ALDH1L1: variants seen among roughly 807,000 people sequenced by gnomAD.
ALDH1L1 encodes cytosolic 10-formyltetrahydrofolate dehydrogenase.
A neutral mutation model predicts 101.1 loss-of-function variants in ALDH1L1; 68 were observed. The ratio of observed to expected loss-of-function variants is 0.67; its 90% CI spans 0.55 to 0.82. The LOEUF (loss-of-function observed/expected upper bound fraction) is 0.82. ALDH1L1 is among the 40% of genes least tolerant of loss of function. The pLI is 0.00. For synonymous variants in ALDH1L1, 486 were observed against 470.8 expected (o/e 1.03, Z -0.42); for missense variants, 1,087 against 1,172.7 (o/e 0.93, Z 1.07).
intron 16 of ALDH1L1, among the ~76,000 whole-genome samples, chr3:126,120,248 T>C (rs980614506): frequency 2.6e-5 from 4 of 152,238 alleles, no homozygotes; most frequent in African/African-American, 9.6e-5. Flanking sequence ...AGAAAGTGGA[T>C]GGATAAGTAA....
intron 14 of ALDH1L1, 95 bp from the exon 15 acceptor site, chr3:126,125,816 C>T: frequency 4.4e-6 from 4 of 908,276 alleles, no homozygotes; most frequent in Non-Finnish European, 6.2e-6. Flanking sequence ...GCCTGACATC[C>T]ACTCTCAAAG....
intron 1 of ALDH1L1, 85 bp downstream of exon 1, chr3:126,180,391 G>A: frequency 1.7e-5 from 16 of 947,310 alleles, no homozygotes; most frequent in Non-Finnish European, 2.0e-5. Context: ...TGGAGCCCCT[G>A]GAGCCCCCGG....
At chr3:126,158,802 C>A (rs1333300556) in intron 2 of ALDH1L1, among the ~76,000 whole-genome samples, 163 bp from the exon 3 acceptor site, 1 of 152,218 alleles carries the variant, frequency 6.6e-6, no homozygotes, top group Non-Finnish European at 1.5e-5. Context: ...ATGCACCAGC[C>A]AAGCATGAGG....
chr3:126,170,081 C>A (rs1185409411), intron 1 of ALDH1L1, among the ~76,000 whole-genome samples: 1 of 152,138 alleles, frequency 6.6e-6, no homozygotes, highest in African/African-American at 2.4e-5. Context: ...AATAAGAAAT[C>A]TTAAGCTAAA....
intron 1 of ALDH1L1, among the ~76,000 whole-genome samples, chr3:126,190,512 A>G (rs1017189738): frequency 5.9e-5 from 9 of 152,226 alleles, no homozygotes; most frequent in African/African-American, 2.2e-4. Flanking sequence ...GTTTTCAGAT[A>G]CCAATTTTGT....
At chr3:126,118,266 AG>A (rs951626272) in intron 16 of ALDH1L1, among the ~76,000 whole-genome samples, 168 bp from the exon 17 acceptor site, 14 of 152,078 alleles carry the variant, frequency 9.2e-5, no homozygotes, top group Non-Finnish European at 1.8e-4. Context: ...GCTCCCTATT[AG>A]GGGCTGAACT....
chr3:126,147,991 A>G (rs2080731141), intron 8 of ALDH1L1, among the ~76,000 whole-genome samples: 1 of 152,084 alleles, frequency 6.6e-6, no homozygotes, highest in Non-Finnish European at 1.5e-5. Context: ...TTAAGGGTCC[A>G]ATTCCTGTGT....
At chr3:126,130,050 C>T (rs2080268824) in intron 14 of ALDH1L1, 173 bp downstream of exon 14, 1 of 541,922 alleles carries the variant, frequency 1.8e-6, no homozygotes. Context: ...ATACAATTGT[C>T]CTCAAGTCCT....
At chr3:126,143,531 C>T (rs938602347) in intron 9 of ALDH1L1, among the ~76,000 whole-genome samples, 1 of 152,154 alleles carries the variant, frequency 6.6e-6, no homozygotes, top group Admixed American at 6.5e-5. Context: ...AAAGCAAAAC[C>T]ACAAATAAGG....
At position 126,111,520 on chromosome 3, in the gene ALDH1L1, C is replaced by T. The variant is rs184523565; in HGVS notation, c.2181+1262G>A. Among the ~76,000 whole-genome samples, 700 of 152,354 alleles carry T rather than the reference C, an allele frequency of 4.6e-3. 6 individuals carry two copies. The highest frequency in any genetic ancestry group is 0.015 in the African/African-American group (634 of 41,582). ...AGACTGCCACTGCTGCCCACAGAAACATGAGCTGAGGGCAGGGCTTCATTT... is the reference window on the plus strand; with the variant it reads ...AGACTGCCACTGCTGCCCACAGAAATATGAGCTGAGGGCAGGGCTTCATTT... On this transcript the variant is annotated intron_variant, in intron 19 of 22. Coordinates refer to ENST00000393434, the MANE Select transcript of ALDH1L1 (RefSeq NM_012190.4).
chr3:126,145,803 G>T (rs945135317), intron 9 of ALDH1L1, among the ~76,000 whole-genome samples: 1 of 152,240 alleles, frequency 6.6e-6, no homozygotes, highest in African/African-American at 2.4e-5. Flanking sequence ...ATAATTTTAA[G>T]AAGGTAGATG....
intron 22 of ALDH1L1, 88 bp from the exon 23 acceptor site, chr3:126,103,934 G>A (rs572315882): frequency 3.9e-5 from 57 of 1,460,840 alleles, no homozygotes; most frequent in Non-Finnish European, 4.6e-5. Flanking sequence ...CAGCAACCAC[G>A]TGGGGGCAGC....
At position 126,106,663 on chromosome 3, in the gene ALDH1L1, G is replaced by A. The variant is rs4646753; in HGVS notation, c.2453+478C>T. Among the ~76,000 whole-genome samples, 13 of 152,274 alleles carry A rather than the reference G, an allele frequency of 8.5e-5. No individual in the cohort carries two copies. The East Asian group carries it at 9.7e-4, about 11-fold the overall frequency. Reference sequence around the variant, plus strand: ...CTCGGCAACCCCGAGGCTGCCACGCGGAGGAAGCCTCCCGCAAGACCCCCA... The same window carrying A: ...CTCGGCAACCCCGAGGCTGCCACGCAGAGGAAGCCTCCCGCAAGACCCCCA... On this transcript the variant is annotated intron_variant, in intron 21 of 22. Transcript: ENST00000393434.
At chr3:126,137,032 A>G in intron 10 of ALDH1L1, 149 bp from the exon 11 acceptor site, 1 of 1,225,838 alleles carries the variant, frequency 8.2e-7, no homozygotes, top group South Asian at 1.6e-5. Context: ...GGGGAGAGAC[A>G]AAGGACAGGC....
intron 14 of ALDH1L1, among the ~76,000 whole-genome samples, chr3:126,127,350 G>A (rs1337006545): frequency 6.6e-6 from 1 of 152,174 alleles, no homozygotes; most frequent in Non-Finnish European, 1.5e-5. Flanking sequence ...TTCTTAGTGG[G>A]AGACTGAGTG....
chr3:126,115,259 G>A (rs1468988127), intron 17 of ALDH1L1: 1 of 359,486 alleles, frequency 2.8e-6, no homozygotes, highest in Non-Finnish European at 5.6e-6. Flanking sequence ...CATCACATCA[G>A]TGGGCAAGAA....
At chr3:126,170,337 CTTAA>C (rs1385516074) in intron 1 of ALDH1L1, among the ~76,000 whole-genome samples, 1 of 150,132 alleles carries the variant, frequency 6.7e-6, no homozygotes, top group Non-Finnish European at 1.5e-5. Flanking sequence ...TAGCATTTTG[CTTAA>C]TTATTATCCT....
At chr3:126,130,339 C>A in intron 13 of ALDH1L1, 46 bp from the exon 14 acceptor site, 1 of 1,519,670 alleles carries the variant, frequency 6.6e-7, no homozygotes, top group Non-Finnish European at 8.9e-7. Context: ...AGGGTCCACA[C>A]CCCTTCCCCT....
At chr3:126,192,339 T>C (rs1317055811) in intron 1 of ALDH1L1, among the ~76,000 whole-genome samples, 1 of 152,216 alleles carries the variant, frequency 6.6e-6, no homozygotes, top group African/African-American at 2.4e-5. Context: ...CCTCAGTAAA[T>C]ATTAGGATAA....
Sources: allele counts gnomAD v4.1 joint callset (sites outside exome capture counted in the v4.1 genomes callset), GRCh38; gene constraint gnomAD v4.1.1; transcripts MANE v1.5; gene names NCBI Gene and HGNC (gene_info 2026-07-23, HGNC 2026-07-21).